Variants in SGCZ observed in about 807,000 individuals in gnomAD.
The protein encoded by SGCZ is zeta-sarcoglycan.
In SGCZ, 40 loss-of-function variants were observed where a neutral mutation model predicts 41.3. The ratio of observed to expected loss-of-function variants is 0.97; its 90% CI spans 0.75 to 1.26. The LOEUF is 1.26. SGCZ is among the 50% of genes most tolerant of loss of function. The pLI, the probability that SGCZ is intolerant of heterozygous loss-of-function variation, is 0.00. For missense variants in SGCZ, 552 were observed against 369.8 expected (o/e 1.49, Z -4.04); for synonymous variants, 206 against 137.5 (o/e 1.50, Z -3.49).
chr8:14,464,332 T>C (rs538644543), intron 2 of SGCZ, among the ~76,000 whole-genome samples: 66 of 151,532 alleles, frequency 4.4e-4, no homozygotes, highest in Non-Finnish European at 6.5e-4. Context: ...TCTATTTCTT[T>C]GTGATTTTGT....
intron 2 of SGCZ, among the ~76,000 whole-genome samples, chr8:14,382,168 C>G (rs1388326368): frequency 2.0e-5 from 3 of 152,092 alleles, no homozygotes; most frequent in Non-Finnish European, 4.4e-5. Flanking sequence ...TTCTGCTAAA[C>G]CAGTAGAGTT....
intron 4 of SGCZ, among the ~76,000 whole-genome samples, chr8:14,232,602 TTATTTTATTATTATTA>T (rs1471060035): frequency 6.6e-6 from 1 of 151,868 alleles, no homozygotes; most frequent in Admixed American, 6.6e-5. Flanking sequence ...TTTTTATTTT[TTATTTTATTATTATTA>T]TATTTTAAGT....
intron 5 of SGCZ, among the ~76,000 whole-genome samples, chr8:14,115,116 A>C (rs574288851): frequency 1.3e-5 from 2 of 152,046 alleles, no homozygotes; most frequent in East Asian, 1.9e-4. Context: ...AACTCTTGAG[A>C]TATATATTCT....
chr8:14,485,223 T>C (rs1295268729), intron 2 of SGCZ, among the ~76,000 whole-genome samples: 1 of 152,116 alleles, frequency 6.6e-6, no homozygotes, highest in Non-Finnish European at 1.5e-5. Context: ...TATCTTCCTA[T>C]CTAGTTTAGG....
intron 6 of SGCZ, among the ~76,000 whole-genome samples, chr8:14,105,774 T>C (rs1802184249): frequency 6.6e-6 from 1 of 152,114 alleles, no homozygotes; most frequent in African/African-American, 2.4e-5. Flanking sequence ...ATTCGCATTT[T>C]CACTTATGAA....
At chr8:15,181,483 C>T (rs146080147) in intron 1 of SGCZ, among the ~76,000 whole-genome samples, 2,911 of 152,208 alleles carry the variant, frequency 0.019, 34 homozygotes, top group South Asian at 0.035. Context: ...TAAAATGTTT[C>T]AGCTCATACA....
chr8:14,442,780 C>T (rs76449507), intron 2 of SGCZ, among the ~76,000 whole-genome samples: 6,011 of 152,272 alleles, frequency 0.039, 179 homozygotes, highest in African/African-American at 0.078. Context: ...TTCAAAGCCA[C>T]TGCACAAACT....
In SGCZ at chr8:14,597,107, C is replaced by T. The variant is rs147950819; in HGVS notation, c.40-42181G>A. On this transcript the variant is annotated intron_variant, in intron 1 of 7. Coordinates refer to ENST00000382080, the MANE Select transcript of SGCZ (RefSeq NM_139167.4). The stretch of plus-strand genomic sequence containing the variant: ...GCAACTATGAACTGCCATTCTTAGA[C>T]ATTCTTAGATAGTTTCAACTATTGT... Among the ~76,000 whole-genome samples, 781 of 152,270 alleles carry T rather than the reference C, an allele frequency of 5.1e-3. 5 individuals carry two copies. The highest frequency in any genetic ancestry group is 0.018 in the African/African-American group (736 of 41,552).
chr8:15,214,834 T>C (rs1469177658), intron 1 of SGCZ, among the ~76,000 whole-genome samples: 1 of 152,166 alleles, frequency 6.6e-6, no homozygotes, highest in African/African-American at 2.4e-5. Flanking sequence ...TCATTAGAGA[T>C]GTTACCAGAG....
chr8:14,863,600 T>C (rs1027311942), intron 1 of SGCZ, among the ~76,000 whole-genome samples: 3 of 152,170 alleles, frequency 2.0e-5, no homozygotes, highest in African/African-American at 7.2e-5. Flanking sequence ...TTTCACTGCT[T>C]TAAGGATCGA....
intron 1 of SGCZ, among the ~76,000 whole-genome samples, chr8:14,730,329 C>T (rs1053956025): frequency 1.3e-5 from 2 of 152,014 alleles, no homozygotes; most frequent in Admixed American, 6.6e-5. Context: ...GATATTATCA[C>T]CATACATACA....
intron 3 of SGCZ, among the ~76,000 whole-genome samples, chr8:14,297,189 C>T (rs1801041570): frequency 6.6e-6 from 1 of 152,014 alleles, no homozygotes. Context: ...TCCAAAAGTG[C>T]TGGGATTACA....
At chr8:14,814,096 A>T (rs1801821255) in intron 1 of SGCZ, among the ~76,000 whole-genome samples, 1 of 152,228 alleles carries the variant, frequency 6.6e-6, no homozygotes, top group Non-Finnish European at 1.5e-5. Flanking sequence ...AAATAACTTA[A>T]AACAGTTATA....
chr8:14,766,132 A>T (rs2252598), intron 1 of SGCZ, among the ~76,000 whole-genome samples: 131,441 of 152,014 alleles, frequency 0.86, 57,220 homozygotes, highest in African/African-American at 0.96. Context: ...CCAACTTTTT[A>T]ATATTTTTAG....
chr8:14,512,875 G>C (rs1378453143), intron 2 of SGCZ, among the ~76,000 whole-genome samples: 1 of 152,026 alleles, frequency 6.6e-6, no homozygotes, highest in Non-Finnish European at 1.5e-5. Context: ...GTCTTCTAGT[G>C]TGCTTGTTAA....
intron 2 of SGCZ, among the ~76,000 whole-genome samples, chr8:14,414,285 T>C (rs574998048): frequency 6.6e-6 from 1 of 152,030 alleles, no homozygotes; most frequent in East Asian, 1.9e-4. Context: ...TATCAGTTGT[T>C]TATCTAGACG....
At chr8:15,114,898 C>T (rs1219983803) in intron 1 of SGCZ, among the ~76,000 whole-genome samples, 1 of 151,934 alleles carries the variant, frequency 6.6e-6, no homozygotes. Flanking sequence ...CTCAATAAAC[C>T]TCTGAAAAGA....
intron 1 of SGCZ, among the ~76,000 whole-genome samples, chr8:14,616,340 C>A (rs1806105434): frequency 6.6e-6 from 1 of 151,466 alleles, no homozygotes; most frequent in Non-Finnish European, 1.5e-5. Context: ...CACAGATGAT[C>A]ACCATTACAA....
rs147613395 is a variant in SGCZ, at chr8:14,433,332, T to C, written c.235-109128A>G. 1.7e-4 allele frequency among the ~76,000 whole-genome samples: 26 copies of C among 152,334 alleles called. No individual in the cohort carries two copies. The East Asian group carries it at 3.7e-3, about 21-fold the overall frequency. ...TAGTGATTAAGTGTCCACTCTGTGC[T>C]AGATATTAGTGATATACGGATAATT... On this transcript the variant is annotated intron_variant, in intron 2 of 7. Coordinates refer to ENST00000382080, the MANE Select transcript of SGCZ (RefSeq NM_139167.4).
Sources: allele counts gnomAD v4.1 joint callset (sites outside exome capture counted in the v4.1 genomes callset), GRCh38; gene constraint gnomAD v4.1.1; transcripts MANE v1.5; gene names NCBI Gene and HGNC (gene_info 2026-07-23, HGNC 2026-07-21).